Variants in EMB observed in about 807,000 individuals in gnomAD.
EMB encodes embigin.
A neutral mutation model predicts 41.4 loss-of-function variants in EMB; 31 were observed. That is an observed-to-expected ratio of 0.75 (90% CI 0.56 to 1.01). The LOEUF (loss-of-function observed/expected upper bound fraction) is 1.01. Among genes scored for constraint, EMB ranks in the 50% least tolerant of loss-of-function variants. The pLI, the probability that EMB is intolerant of heterozygous loss-of-function variation, is 0.00. For synonymous variants in EMB, 137 were observed against 140.4 expected (o/e 0.98, Z 0.17); for missense variants, 379 against 388.3 (o/e 0.98, Z 0.20).
chr5:50,409,041 G>C (rs1406759975), intron 4 of EMB, among the ~76,000 whole-genome samples: 2 of 152,070 alleles, frequency 1.3e-5, no homozygotes, highest in Middle Eastern at 3.4e-3. Flanking sequence ...ACTGCTTCAA[G>C]ACAACTAGAA....
intron 2 of EMB, chr5:50,411,829 T>C (rs1745343306): frequency 6.6e-6 from 1 of 152,356 alleles, no homozygotes; most frequent in Non-Finnish European, 1.5e-5. Context: ...TACTAGAGAA[T>C]GTTTTGTGTG....
chr5:50,442,264 A>C (rs559800421), upstream of EMB, among the ~76,000 whole-genome samples: 11 of 152,328 alleles, frequency 7.2e-5, no homozygotes, highest in South Asian at 2.3e-3. Context: ...GCTATTTAAC[A>C]AAACCTGTGT....
At chr5:50,425,702 C>A (rs1343889303) in intron 2 of EMB, among the ~76,000 whole-genome samples, 4 of 114,946 alleles carry the variant, frequency 3.5e-5, no homozygotes, top group African/African-American at 1.7e-4. Context: ...AGTGCAATTT[C>A]TTTATTTCTG....
intron 2 of EMB, among the ~76,000 whole-genome samples, chr5:50,414,667 C>T (rs1745400520): frequency 6.6e-6 from 1 of 151,796 alleles, no homozygotes; most frequent in South Asian, 2.1e-4. Context: ...GCTTTGTGAG[C>T]ACATGCTTGA....
intron 2 of EMB, among the ~76,000 whole-genome samples, chr5:50,426,497 G>A (rs28653521): frequency 6.6e-5 from 10 of 152,098 alleles, no homozygotes; most frequent in Non-Finnish European, 1.3e-4. Context: ...TTCCAGTCTC[G>A]AGAATCTTTG....
chr5:50,406,021 T>G (rs1745243163), intron 4 of EMB, among the ~76,000 whole-genome samples, 169 bp from the exon 5 acceptor site: 1 of 151,920 alleles, frequency 6.6e-6, no homozygotes, highest in Admixed American at 6.6e-5. Context: ...TTAGTAGTAA[T>G]AATAATAGTA....
At chr5:50,440,988 G>A (rs190413158) in intron 1 of EMB, 52 bp downstream of exon 1, 8 of 1,236,952 alleles carry the variant, frequency 6.5e-6, no homozygotes, top group Admixed American at 4.0e-5. Context: ...GCGGGGACCC[G>A]AGCCTCGCGC....
intron 5 of EMB, among the ~76,000 whole-genome samples, chr5:50,403,866 T>C (rs1349578179): frequency 1.3e-5 from 2 of 151,944 alleles, no homozygotes; most frequent in East Asian, 3.9e-4. Flanking sequence ...AAGCTACTAT[T>C]TCTGATCATT....
At position 50,408,762 on chromosome 5, in the gene EMB, T is replaced by A. The variant is rs192580074; in HGVS notation, c.472+2115A>T. On this transcript the variant is annotated intron_variant, in intron 4 of 8. Coordinates refer to ENST00000303221, the MANE Select transcript of EMB (RefSeq NM_198449.3). ...TGGAGAAATAATATAATAGGACATT[T>A]ATAAAAATACACACCATTTTATAAG... 4.5e-3 allele frequency among the ~76,000 whole-genome samples: 679 copies of A among 152,214 alleles called. 1 individual carries two copies. Among genetic ancestry groups the A allele is most frequent in the Middle Eastern group, 0.014 (4 of 294 alleles).
intron 2 of EMB, among the ~76,000 whole-genome samples, chr5:50,420,728 A>G (rs1745506368): frequency 6.6e-6 from 1 of 152,224 alleles, no homozygotes; most frequent in Non-Finnish European, 1.5e-5. Flanking sequence ...GGCTTTCAAT[A>G]AATTTTTGTT....
intron 1 of EMB, among the ~76,000 whole-genome samples, chr5:50,438,986 T>C (rs1202074429): frequency 6.6e-6 from 1 of 151,602 alleles, no homozygotes; most frequent in Non-Finnish European, 1.5e-5. Flanking sequence ...TACCTAACAG[T>C]GCACTGTCTA....
At chr5:50,441,423 G>C, upstream of EMB, 1 of 281,320 alleles carries the variant, frequency 3.6e-6, no homozygotes, top group Admixed American at 5.3e-5. Context: ...CTACTTCCCG[G>C]CTGCAGCCTC....
chr5:50,435,553 G>C (rs1243106560), intron 1 of EMB, among the ~76,000 whole-genome samples: 3 of 152,180 alleles, frequency 2.0e-5, no homozygotes, highest in African/African-American at 7.2e-5. Context: ...TTTGAGGTAG[G>C]CATCTTTGGC....
intron 2 of EMB, among the ~76,000 whole-genome samples, chr5:50,416,628 A>G (rs185856442): frequency 1.8e-4 from 27 of 152,318 alleles, no homozygotes; most frequent in Admixed American, 1.8e-3. Context: ...TGTGACATAT[A>G]CGACGGATTC....
intron 1 of EMB, among the ~76,000 whole-genome samples, chr5:50,429,968 TTCTCTCTCTCTCTCTC>T (rs780667856): frequency 8.1e-5 from 5 of 62,082 alleles, no homozygotes; most frequent in Non-Finnish European, 1.4e-4. Context: ...CCAACTCTCT[TTCTCTCTCTCTCTCTC>T]TCTCTCTCTC....
In EMB at chr5:50,403,259, C is replaced by T. The variant is rs372884832; in HGVS notation, c.796G>A (p.Val266Ile). 4 of 1,612,462 alleles carry T rather than the reference C, an allele frequency of 2.5e-6. No homozygotes were observed. Among genetic ancestry groups the T allele is most frequent in the South Asian group, 2.2e-5 (2 of 91,046 alleles). Reference protein sequence around the residue: ...SYLVPLKPFLVIVAEVILLVA... With the variant: ...SYLVPLKPFLIIVAEVILLVA... ...AAAAGAATCACCTCAGCCACTATTA[C>T]AAGAAATGGTTTGAGGGGCACCAAA... The change falls in exon 6 of 9, where the codon GTA becomes ATA. Residue 266 changes from valine to isoleucine, a missense_variant. Transcript: ENST00000303221.
rs149874030 is a variant in EMB at position 50,423,630 on chromosome 5, G to A, written c.196+4514C>T. ...ACAGCAGGGATTATGTCACCAGGAT[G>A]GACAATGCATTCTTCCACAGAGGGT... On this transcript the variant is annotated intron_variant, in intron 2 of 8. Coordinates refer to ENST00000303221, the MANE Select transcript of EMB (RefSeq NM_198449.3). Among the ~76,000 whole-genome samples the A allele has an allele frequency of 4.7e-3, 710 of 152,178 alleles. 5 individuals carry two copies. Among genetic ancestry groups the A allele is most frequent in the African/African-American group, 0.016 (679 of 41,512 alleles).
At chr5:50,413,182 T>G (rs1441193425) in intron 2 of EMB, among the ~76,000 whole-genome samples, 2 of 152,200 alleles carry the variant, frequency 1.3e-5, no homozygotes, top group Non-Finnish European at 2.9e-5. Context: ...ACTAACTGTA[T>G]CACTGGCTAA....
At chr5:50,427,672 C>A (rs902189282) in intron 2 of EMB, among the ~76,000 whole-genome samples, 6 of 152,020 alleles carry the variant, frequency 3.9e-5, no homozygotes, top group African/African-American at 1.5e-4. Flanking sequence ...CCATCCCCAG[C>A]TAATTTTTGT....
Sources: gnomAD v4.1 joint callset for allele counts (sites outside exome capture counted in the v4.1 genomes callset) on GRCh38, gnomAD v4.1.1 for gene constraint, MANE v1.5 for transcripts, NCBI Gene and HGNC (gene_info 2026-07-23, HGNC 2026-07-21) for gene names.